CTNNA1: variants seen among roughly 807,000 people sequenced by gnomAD.
CTNNA1 encodes the protein catenin alpha-1.
Under a neutral mutation model 98.4 loss-of-function variants are expected in CTNNA1, and 37 were observed. That is an observed-to-expected ratio of 0.38 (90% CI 0.29 to 0.49). The LOEUF (loss-of-function observed/expected upper bound fraction) is 0.49. Ranked by LOEUF, CTNNA1 falls within the 20% of genes least tolerant of loss-of-function variation. CTNNA1 has a pLI of 0.95. For missense variants in CTNNA1, 761 were observed against 1,147.2 expected, an observed-to-expected ratio of 0.66 and a Z score of 4.86; for synonymous variants, 404 against 413.2, an observed-to-expected ratio of 0.98 and a Z score of 0.27.
rs1415663242 is a variant in CTNNA1 at position 138,754,430 on chromosome 5, A to G, written c.-3+920A>G. ...TTACGTCCTCTTGCATCTTGGTGAC[A>G]TTTTTTTGGTGCGTGTGTTTTGTAC... On this transcript the variant is annotated intron_variant, in intron 1 of 17. Coordinates refer to ENST00000302763, the MANE Select transcript of CTNNA1 (RefSeq NM_001903.5). 5.9e-5 allele frequency: 9 copies of G among 151,946 alleles called. No homozygotes were observed. In the South Asian group the frequency reaches 8.3e-4, roughly 14 times the overall value. 9.4% of individuals were successfully genotyped at this position (151,946 alleles called of 1,614,324 possible).
chr5:138,901,630 T>C (rs750087406), intron 9 of CTNNA1, among the ~76,000 whole-genome samples: 4 of 152,192 alleles, frequency 2.6e-5, no homozygotes, highest in Non-Finnish European at 5.9e-5. Context: ...GGTCTTGCTA[T>C]GTAGCCCAGG....
chr5:138,903,748 A>G (rs1449868398), intron 9 of CTNNA1, among the ~76,000 whole-genome samples: 1 of 152,224 alleles, frequency 6.6e-6, no homozygotes, highest in African/African-American at 2.4e-5. Context: ...TTTGCTTTTA[A>G]CTATGAAACA....
At chr5:138,822,629 C>A (rs1467696366) in intron 5 of CTNNA1, among the ~76,000 whole-genome samples, 1 of 152,206 alleles carries the variant, frequency 6.6e-6, no homozygotes, top group Admixed American at 6.5e-5. Context: ...AATGTTTAGT[C>A]ATAGCCCCTT....
chr5:138,887,736 G>T, intron 9 of CTNNA1, 94 bp downstream of exon 9: 1 of 1,033,628 alleles, frequency 9.7e-7, no homozygotes, highest in Non-Finnish European at 1.4e-6. Flanking sequence ...ATTTGTAAGG[G>T]CTCGCTTAAC....
Position 138,925,190 on chromosome 5 carries a change from C to G in CTNNA1, c.1748-66C>G, listed in dbSNP as rs558695671. ...CCTCTTTCTGTCTAGCTGAGTGATT[C>G]AGGGAGGGCCAGGGGAATGATGCTG... On this transcript the variant is annotated intron_variant, in intron 12 of 17. Coordinates refer to ENST00000302763, the MANE Select transcript of CTNNA1 (RefSeq NM_001903.5). 1.4e-4 allele frequency: 218 copies of G among 1,558,552 alleles called. 1 individual carries two copies. In the South Asian group the frequency reaches 2.4e-3, roughly 17 times the overall value.
At chr5:138,758,962 C>G (rs898094353) in intron 1 of CTNNA1, among the ~76,000 whole-genome samples, 6 of 152,162 alleles carry the variant, frequency 3.9e-5, no homozygotes, top group Non-Finnish European at 8.8e-5. Context: ...CGCCACCACA[C>G]CTGGCTAATT....
At chr5:138,907,441 T>C (rs926034024) in intron 10 of CTNNA1, among the ~76,000 whole-genome samples, 11 of 152,258 alleles carry the variant, frequency 7.2e-5, no homozygotes, top group Non-Finnish European at 5.9e-5. Context: ...CAAACTCTTC[T>C]GTGTGCTGCC....
Position 138,934,944 on chromosome 5 carries a change from A to ACTATCACCTTATTTAAATTTT in CTNNA1, c.*856_*876dup, listed in dbSNP as rs1766227279. ...TACTATTAACTACAAGGTATAATTT[A>ACTATCACCTTATTTAAATTTT]CTATCACCTTATTTAAATTTTATGA... On this transcript the variant is annotated 3_prime_UTR_variant, in exon 18 of 18. Coordinates refer to ENST00000302763, the MANE Select transcript of CTNNA1 (RefSeq NM_001903.5). 1 of 152,494 alleles carries ACTATCACCTTATTTAAATTTT rather than the reference A, an allele frequency of 6.6e-6. No homozygotes were observed. The highest frequency in any genetic ancestry group is 6.5e-5 in the Admixed American group (1 of 15,284). 9.4% of individuals were successfully genotyped at this position (152,494 alleles called of 1,614,324 possible). A position where few individuals can be genotyped will look rare whatever the true frequency, so the allele number is the denominator to read the frequency against.
chr5:138,922,438 A>G (rs1244539145), intron 11 of CTNNA1, among the ~76,000 whole-genome samples: 1 of 152,196 alleles, frequency 6.6e-6, no homozygotes, highest in Non-Finnish European at 1.5e-5. Flanking sequence ...AAAAGATACA[A>G]TAGTGTCCAT....
At chr5:138,932,261 G>T in intron 16 of CTNNA1, 1 of 1,139,920 alleles carries the variant, frequency 8.8e-7, no homozygotes, top group Non-Finnish European at 1.1e-6. Flanking sequence ...TTTGGGGTGA[G>T]GGGATCCTTG....
At chr5:138,811,611 A>C (rs1057304150) in intron 4 of CTNNA1, among the ~76,000 whole-genome samples, 1 of 152,070 alleles carries the variant, frequency 6.6e-6, no homozygotes, top group Non-Finnish European at 1.5e-5. Flanking sequence ...ACGCCACTGC[A>C]CTCCAGCCTG....
At chr5:138,849,456 A>G (rs2351247) in intron 7 of CTNNA1, among the ~76,000 whole-genome samples, 112,535 of 152,186 alleles carry the variant, frequency 0.74, 41,859 homozygotes, top group East Asian at 0.99. Flanking sequence ...CAAAGACGGT[A>G]GGACAGGCAG....
At chr5:138,887,124 G>A (rs1241711540) in intron 8 of CTNNA1, among the ~76,000 whole-genome samples, 1 of 151,912 alleles carries the variant, frequency 6.6e-6, no homozygotes, top group Non-Finnish European at 1.5e-5. Flanking sequence ...AGCCAATTAG[G>A]CTAATTATAT....
rs1442390605 is a variant in CTNNA1 at position 138,824,678 on chromosome 5, A to G, written c.737A>G (p.Lys246Arg). Residue 246 changes from lysine to arginine, a missense_variant, in exon 6 of 18, where the codon AAG (lysine) becomes AGG (arginine). Lys to Arg is a conservative substitution (Grantham distance 26). Around this residue, in one of 6 missense-constraint regions of CTNNA1, gnomAD observed 328 missense variants for 354.3 expected, o/e 0.93. Coordinates refer to ENST00000302763, the MANE Select transcript of CTNNA1 (RefSeq NM_001903.5). ...AAGGCCAACAGGGACCTGATATACAAGCAGCTGCAGCAGGCGGTCACAGGC... is the reference window on the plus strand; with the variant it reads ...AAGGCCAACAGGGACCTGATATACAGGCAGCTGCAGCAGGCGGTCACAGGC... ...AYKANRDLIY[K>R]QLQQAVTGIS... 1 of 1,614,224 alleles carries G rather than the reference A, an allele frequency of 6.2e-7. No homozygotes were observed. Among genetic ancestry groups the G allele is most frequent in the East Asian group, 2.2e-5 (1 of 44,886 alleles).
chr5:138,759,746 G>A (rs765763144), intron 1 of CTNNA1, among the ~76,000 whole-genome samples: 13 of 152,280 alleles, frequency 8.5e-5, no homozygotes, highest in East Asian at 1.9e-4. Flanking sequence ...TTGTCTGCCC[G>A]TGGCTGGGGG....
In CTNNA1 at chr5:138,925,236, C is replaced by A; in HGVS notation, c.1748-20C>A. ...TGCTGCCTGCTGACCAGGGTATCTA[C>A]TGTGCCTCTTTCTCCACAGTCATGC... is the stretch of plus-strand genomic sequence containing the variant. On this transcript the variant is annotated intron_variant, in intron 12 of 17. Transcript: ENST00000302763. 6.2e-7 allele frequency: 1 copy of A among 1,611,858 alleles called. No homozygotes were observed. The highest frequency in any genetic ancestry group is 8.5e-7 in the Non-Finnish European group (1 of 1,179,114).
chr5:138,793,728 G>A (rs183864114), intron 3 of CTNNA1, among the ~76,000 whole-genome samples: 1 of 152,322 alleles, frequency 6.6e-6, no homozygotes, highest in Non-Finnish European at 1.5e-5. Context: ...ATTTGAATGT[G>A]TAATCAGGAA....
At chr5:138,829,649 G>A (rs1480123324) in intron 7 of CTNNA1, among the ~76,000 whole-genome samples, 1 of 152,184 alleles carries the variant, frequency 6.6e-6, no homozygotes, top group African/African-American at 2.4e-5. Context: ...GAAAAGGTGG[G>A]AAGCACTCAT....
intron 3 of CTNNA1, among the ~76,000 whole-genome samples, chr5:138,807,310 T>C (rs1338920570): frequency 6.6e-6 from 1 of 151,816 alleles, no homozygotes; most frequent in Non-Finnish European, 1.5e-5. Flanking sequence ...ACCCAGCCAG[T>C]GTTGGACATT....
Sources: allele counts gnomAD v4.1 joint callset (sites outside exome capture counted in the v4.1 genomes callset), GRCh38; gene constraint gnomAD v4.1.1; regional missense constraint gnomAD v4.1.1; transcripts MANE v1.5; gene names NCBI Gene and HGNC (gene_info 2026-07-23, HGNC 2026-07-21).